Variants in CEP57 observed in about 807,000 individuals in gnomAD.
CEP57 encodes the protein centrosomal protein of 57 kDa.
Under a neutral mutation model 68.0 loss-of-function variants are expected in CEP57, and 40 were observed. The ratio of observed to expected loss-of-function variants is 0.59; its 90% CI spans 0.46 to 0.77. The LOEUF is 0.77. Among genes scored for constraint, CEP57 ranks in the 30% least tolerant of loss-of-function variants. CEP57 has a pLI of 0.00. For missense variants in CEP57, 606 were observed against 580.7 expected (o/e 1.04, Z -0.45); for synonymous variants, 219 against 198.7 (o/e 1.10, Z -0.86).
intron 2 of CEP57, among the ~76,000 whole-genome samples, chr11:95,810,023 CTG>C (rs1861983441): frequency 6.6e-6 from 1 of 152,190 alleles, no homozygotes; most frequent in Non-Finnish European, 1.5e-5. Flanking sequence ...GGCTTCATCT[CTG>C]GGATGCAAGG....
chr11:95,825,075 C>G (rs1448811667), intron 8 of CEP57, among the ~76,000 whole-genome samples: 1 of 152,158 alleles, frequency 6.6e-6, no homozygotes, highest in Non-Finnish European at 1.5e-5. Flanking sequence ...CTACTTGTCC[C>G]TAAACACAGT....
At chr11:95,795,573 T>C (rs773620387) in intron 1 of CEP57, 2 of 541,390 alleles carry the variant, frequency 3.7e-6, no homozygotes, top group South Asian at 5.2e-5. Context: ...GGTATCTTTG[T>C]CTTACTCCTG....
intron 2 of CEP57, among the ~76,000 whole-genome samples, chr11:95,805,500 C>T (rs1861760797): frequency 6.6e-6 from 1 of 152,090 alleles, no homozygotes; most frequent in Non-Finnish European, 1.5e-5. Flanking sequence ...CTGTAATATC[C>T]TAGGCACTGA....
rs1860981053 is a variant in CEP57 at position 95,790,631 on chromosome 11, G to A, written c.-68G>A. The A allele has an allele frequency of 2.5e-6, 4 of 1,581,914 alleles. No individual in the cohort carries two copies. Among genetic ancestry groups the A allele is most frequent in the African/African-American group, 2.7e-5 (2 of 74,458 alleles). ...GTCCCCGCTGGTGGGCGGCTCCCGA[G>A]TCTTGGAGAAGAGCACGAGAACCTA... is the stretch of plus-strand genomic sequence containing the variant. On this transcript the variant is annotated 5_prime_UTR_variant, in exon 1 of 11. Coordinates refer to ENST00000325542, the MANE Select transcript of CEP57 (RefSeq NM_014679.5).
intron 2 of CEP57, among the ~76,000 whole-genome samples, chr11:95,812,225 GTAA>G: frequency 6.6e-6 from 1 of 152,076 alleles, no homozygotes; most frequent in South Asian, 2.1e-4. Context: ...GTATTAATAA[GTAA>G]TAGTTACTAA....
Position 95,827,947 on chromosome 11 carries a change from A to G in CEP57, c.1047A>G (p.Thr349=). 6.2e-7 allele frequency: 1 copy of G among 1,613,862 alleles called. No individual in the cohort carries two copies. Among genetic ancestry groups the G allele is most frequent in the Non-Finnish European group, 8.5e-7 (1 of 1,179,968 alleles). ...GTAAAAGTAAGAAGTTGTCAGTAAC[A>G]CCTCCCTCCTCCAACGGTATTAATG... is the stretch of plus-strand genomic sequence containing the variant. ...RGGKSKKLSV[T]PPSSNGINEE... is the part of the protein sequence containing the mutation. The change falls in exon 9 of 11, where the codon ACA becomes ACG. Residue 349 remains threonine, a synonymous_variant. Coordinates refer to ENST00000325542, the MANE Select transcript of CEP57 (RefSeq NM_014679.5).
At chr11:95,818,087 A>T in intron 5 of CEP57, 184 bp downstream of exon 5, 5 of 557,444 alleles carry the variant, frequency 9.0e-6, no homozygotes, top group South Asian at 2.1e-5. Flanking sequence ...CTTGGTGGGC[A>T]TTTTTTTTTA....
At chr11:95,830,444 C>G (rs554827072) in intron 10 of CEP57, among the ~76,000 whole-genome samples, 2 of 152,102 alleles carry the variant, frequency 1.3e-5, no homozygotes, top group Non-Finnish European at 2.9e-5. Context: ...CACCAACATG[C>G]CAGCATCAGT....
chr11:95,823,691 C>T lies in CEP57; in HGVS notation c.885+1115C>T, dbSNP rs562695599. On this transcript the variant is annotated intron_variant, in intron 8 of 10. Coordinates refer to ENST00000325542, the MANE Select transcript of CEP57 (RefSeq NM_014679.5). ...AAAATTAACTGTAGTACATACTGTA[C>T]GACTGATAATTTTGTAGCCACCTTC... 8.0e-4 allele frequency among the ~76,000 whole-genome samples: 122 copies of T among 152,122 alleles called. 1 individual carries two copies. The highest frequency in any genetic ancestry group is 2.6e-3 in the African/African-American group (109 of 41,496).
intron 10 of CEP57, among the ~76,000 whole-genome samples, chr11:95,830,040 T>C (rs1862936015): frequency 6.6e-6 from 1 of 152,206 alleles, no homozygotes; most frequent in African/African-American, 2.4e-5. Context: ...TGGAGAAAGC[T>C]GAGAAGTTCA....
chr11:95,822,935 T>C (rs1254952129), intron 8 of CEP57: 1 of 289,016 alleles, frequency 3.5e-6, no homozygotes, highest in Non-Finnish European at 6.8e-6. Flanking sequence ...TATAGGTAGA[T>C]ATTCGAATAA....
chr11:95,828,093 G>T, intron 9 of CEP57, 66 bp downstream of exon 9: 1 of 1,519,548 alleles, frequency 6.6e-7, no homozygotes. Flanking sequence ...AAAACTTGTT[G>T]ACTTTATTAA....
chr11:95,803,278 G>T (rs571123070), intron 2 of CEP57, among the ~76,000 whole-genome samples: 1 of 152,172 alleles, frequency 6.6e-6, no homozygotes, highest in Non-Finnish European at 1.5e-5. Context: ...TGAGATGCCT[G>T]TGAATTAGAT....
chr11:95,810,971 A>G (rs542362297), intron 2 of CEP57, among the ~76,000 whole-genome samples: 67 of 152,338 alleles, frequency 4.4e-4, no homozygotes, highest in African/African-American at 1.5e-3. Context: ...AAATAGGAAT[A>G]CTTTTACACT....
Position 95,829,052 on chromosome 11 carries a change from A to G in CEP57, c.1128-135A>G. 3.1e-6 allele frequency: 3 copies of G among 973,576 alleles called. No individual in the cohort carries two copies. In the East Asian group the frequency reaches 7.4e-5, roughly 24 times the overall value. 60.3% of individuals were successfully genotyped at this position (973,576 alleles called of 1,614,324 possible). A position where few individuals can be genotyped will look rare whatever the true frequency, so the allele number is the denominator to read the frequency against. ...GCAAGACTCCGTCTCAAAAAAAAAA[A>G]AAAAATTTATTGCTCTGTTCAAAAA... On this transcript the variant is annotated intron_variant, in intron 9 of 10. Transcript: ENST00000325542.
intron 6 of CEP57, among the ~76,000 whole-genome samples, chr11:95,819,135 T>A (rs1590948680): frequency 6.6e-6 from 1 of 152,218 alleles, no homozygotes; most frequent in African/African-American, 2.4e-5. Context: ...ATCAGCATTT[T>A]AAAAAATAAC....
intron 8 of CEP57, chr11:95,826,944 G>A (rs949796755): frequency 1.3e-5 from 2 of 152,174 alleles, no homozygotes; most frequent in East Asian, 1.9e-4. Context: ...CATATGTTTA[G>A]CTTAGCATGG....
intron 9 of CEP57, among the ~76,000 whole-genome samples, chr11:95,828,604 A>G (rs921561868): frequency 3.3e-5 from 5 of 152,268 alleles, no homozygotes; most frequent in East Asian, 3.9e-4. Flanking sequence ...AACTTAACTG[A>G]TAAGACATGA....
At chr11:95,821,684 A>T (rs1862522039) in intron 6 of CEP57, among the ~76,000 whole-genome samples, 187 bp from the exon 7 acceptor site, 1 of 152,186 alleles carries the variant, frequency 6.6e-6, no homozygotes, top group African/African-American at 2.4e-5. Context: ...AAAATGAGAG[A>T]CTGGTATTTA....
Sources: gnomAD v4.1 joint callset for allele counts (sites outside exome capture counted in the v4.1 genomes callset) on GRCh38, gnomAD v4.1.1 for gene constraint, MANE v1.5 for transcripts, NCBI Gene and HGNC (gene_info 2026-07-23, HGNC 2026-07-21) for gene names.